Variants in KYNU observed in about 807,000 individuals in gnomAD.
KYNU encodes L-kynurenine hydrolase.
KYNU carries 54 observed loss-of-function variants against 59.2 expected under a neutral mutation model. The observed-to-expected ratio is 0.91, with a 90% CI of 0.73 to 1.14. The LOEUF (loss-of-function observed/expected upper bound fraction) is 1.14. KYNU is among the 50% of genes most tolerant of loss of function. KYNU has a pLI of 0.00. For missense variants in KYNU, 567 were observed against 554.4 expected, an observed-to-expected ratio of 1.02 and a Z score of -0.23; for synonymous variants, 177 against 192.0, an observed-to-expected ratio of 0.92 and a Z score of 0.65.
chr2:142,987,430 G>A (rs1456143789), intron 10 of KYNU, among the ~76,000 whole-genome samples: 1 of 151,930 alleles, frequency 6.6e-6, no homozygotes, highest in Non-Finnish European at 1.5e-5. Flanking sequence ...TCTCAGCATG[G>A]ACAAGGAACA....
At chr2:142,928,024 TATTA>T (rs1464627944) in intron 4 of KYNU, among the ~76,000 whole-genome samples, 13 of 152,324 alleles carry the variant, frequency 8.5e-5, no homozygotes, top group African/African-American at 2.4e-4. Flanking sequence ...ACATACATTG[TATTA>T]ATTTATAATT....
intron 10 of KYNU, among the ~76,000 whole-genome samples, chr2:143,006,364 G>C (rs1241865350): frequency 6.6e-6 from 1 of 151,808 alleles, no homozygotes; most frequent in Non-Finnish European, 1.5e-5. Flanking sequence ...AAAAAACGGC[G>C]CACCACGAGA....
At chr2:142,893,243 G>A (rs968117802) in intron 2 of KYNU, among the ~76,000 whole-genome samples, 3 of 152,136 alleles carry the variant, frequency 2.0e-5, no homozygotes, top group Admixed American at 1.3e-4. Context: ...TGAGAAGAAG[G>A]TGGTAGAAAC....
rs1213764704 is a variant in KYNU at position 142,957,629 on chromosome 2, T to A, written c.508-12T>A. 4 of 1,532,008 alleles carry A rather than the reference T, an allele frequency of 2.6e-6. No individual in the cohort carries two copies. The highest frequency in any genetic ancestry group is 2.7e-6 in the Non-Finnish European group (3 of 1,105,748). The allele number at this position is 1,532,008 out of a possible 1,614,324, so 94.9% of individuals were successfully genotyped here. A position where few individuals can be genotyped will look rare whatever the true frequency, so the allele number is the denominator to read the frequency against. ...AGCTTGATTTGATAAATACATCATCTTTCCTTTTTAGTATGCTATTGAGTC... is the reference window on the plus strand; with the variant it reads ...AGCTTGATTTGATAAATACATCATCATTCCTTTTTAGTATGCTATTGAGTC... On this transcript the variant is annotated splice_polypyrimidine_tract_variant and intron_variant, in intron 6 of 13. Coordinates refer to ENST00000264170, the MANE Select transcript of KYNU (RefSeq NM_003937.3).
At chr2:143,030,044 C>T (rs1686697515) in intron 11 of KYNU, among the ~76,000 whole-genome samples, 1 of 152,134 alleles carries the variant, frequency 6.6e-6, no homozygotes, top group Admixed American at 6.6e-5. Context: ...CACTTTGCTG[C>T]TTAATAGTTT....
At chr2:143,016,701 G>A (rs1686255234) in intron 10 of KYNU, among the ~76,000 whole-genome samples, 1 of 152,004 alleles carries the variant, frequency 6.6e-6, no homozygotes, top group Non-Finnish European at 1.5e-5. Context: ...ATGACTTTAT[G>A]GTTTAGTTCC....
intron 8 of KYNU, among the ~76,000 whole-genome samples, chr2:142,969,951 T>G (rs1248139879): frequency 2.0e-5 from 3 of 152,218 alleles, no homozygotes; most frequent in African/African-American, 7.2e-5. Context: ...TTTAAGTCTT[T>G]GTTAAACTGA....
chr2:142,914,417 T>TA (rs1189862546), intron 2 of KYNU, among the ~76,000 whole-genome samples: 2 of 152,222 alleles, frequency 1.3e-5, no homozygotes, highest in Non-Finnish European at 2.9e-5. Context: ...GAGCAGCATA[T>TA]ACTAGCTACT....
chr2:143,000,235 A>G (rs1271014815), intron 10 of KYNU, among the ~76,000 whole-genome samples: 1 of 152,166 alleles, frequency 6.6e-6, no homozygotes, highest in Non-Finnish European at 1.5e-5. Context: ...TGAATATTTT[A>G]TTTAAGTAAT....
At chr2:142,884,668 A>ATTATTTTG (rs1299502741) in intron 1 of KYNU, among the ~76,000 whole-genome samples, 2 of 92,294 alleles carry the variant, frequency 2.2e-5, no homozygotes, top group Non-Finnish European at 2.5e-5. Context: ...CTAAGTTACT[A>ATTATTTTG]TTATTTTGTT....
At chr2:142,956,339 C>A in intron 6 of KYNU, 65 bp downstream of exon 6, 1 of 1,034,626 alleles carries the variant, frequency 9.7e-7, no homozygotes, top group Non-Finnish European at 1.5e-6. Context: ...TATCATTTGC[C>A]TGACTTGAAT....
At chr2:142,943,001 C>T (rs1573818780) in intron 4 of KYNU, among the ~76,000 whole-genome samples, 1 of 152,224 alleles carries the variant, frequency 6.6e-6, no homozygotes, top group East Asian at 1.9e-4. Flanking sequence ...CATTTTGCCT[C>T]TTAATGTACA....
At chr2:142,883,367 T>C (rs1681375293) in intron 1 of KYNU, among the ~76,000 whole-genome samples, 1 of 151,618 alleles carries the variant, frequency 6.6e-6, no homozygotes, top group Admixed American at 6.6e-5. Flanking sequence ...GCTAATTTTT[T>C]TTTTGTATTT....
intron 2 of KYNU, among the ~76,000 whole-genome samples, chr2:142,891,915 G>T (rs1327968902): frequency 7.4e-6 from 1 of 135,812 alleles, no homozygotes; most frequent in East Asian, 2.1e-4. Context: ...TGTAGACATT[G>T]AGACTTTTTT....
At chr2:142,936,800 TTGTC>T (rs1316984447) in intron 4 of KYNU, among the ~76,000 whole-genome samples, 1 of 152,196 alleles carries the variant, frequency 6.6e-6, no homozygotes, top group Non-Finnish European at 1.5e-5. Flanking sequence ...GGAGTTTCCT[TTGTC>T]TGGCTGCTGT....
intron 3 of KYNU, among the ~76,000 whole-genome samples, chr2:142,921,933 A>G (rs62169866): frequency 1.3e-5 from 2 of 152,102 alleles, no homozygotes; most frequent in South Asian, 4.1e-4. Context: ...GTTTTTTTGT[A>G]CTAAAATCAA....
chr2:142,956,208 A>G lies in KYNU; in HGVS notation c.441A>G (p.Ser147=). 5 of 1,581,836 alleles carry G rather than the reference A, an allele frequency of 3.2e-6. No individual in the cohort carries two copies. Among genetic ancestry groups the G allele is most frequent in the Non-Finnish European group, 4.3e-6 (5 of 1,151,646 alleles). ...LTVNLHLLML[S]FFKPTPKRYK... ...ATAAATCCATTTTATTGCAGTTATC[A>G]TTTTTTAAGCCTACGCCAAAACGAT... Residue 147 remains serine (S), a synonymous_variant, in exon 6 of 14, where the codon TCA becomes TCG. Transcript: ENST00000264170.
At chr2:143,029,584 CA>C in intron 10 of KYNU, 42 bp from the exon 11 acceptor site, 5 of 1,377,174 alleles carry the variant, frequency 3.6e-6, no homozygotes, top group Non-Finnish European at 5.2e-6. Context: ...AGACTCCATC[CA>C]AAAAAACCCC....
At chr2:142,963,323 C>G (rs150589359) in intron 8 of KYNU, among the ~76,000 whole-genome samples, 8 of 152,284 alleles carry the variant, frequency 5.3e-5, no homozygotes, top group African/African-American at 1.9e-4. Flanking sequence ...CCTTCTGTCT[C>G]TGTCCACTTG....
Sources: allele counts gnomAD v4.1 joint callset (sites outside exome capture counted in the v4.1 genomes callset), GRCh38; gene constraint gnomAD v4.1.1; transcripts MANE v1.5; gene names NCBI Gene and HGNC (gene_info 2026-07-23, HGNC 2026-07-21).